Variants in NBPF10 observed in about 807,000 individuals in gnomAD.
The protein encoded by NBPF10 is NBPF member 10.
A neutral mutation model predicts 77.9 loss-of-function variants in NBPF10; 63 were observed. The ratio of observed to expected loss-of-function variants is 0.81; its 90% CI spans 0.66 to 1.00. NBPF10 has a LOEUF of 1.00. Among genes scored for constraint, NBPF10 ranks in the 50% least tolerant of loss-of-function variants. The pLI, the probability that NBPF10 is intolerant of heterozygous loss-of-function variation, is 0.00. For missense variants in NBPF10, 522 were observed against 679.8 expected, an observed-to-expected ratio of 0.77 and a Z score of 2.58; for synonymous variants, 146 against 264.5, an observed-to-expected ratio of 0.55 and a Z score of 4.35.
In NBPF10 at chr1:146,136,369, G is replaced by A; in HGVS notation, c.1075C>T (p.Gln359Ter). 3 of 1,596,768 alleles carry A rather than the reference G, an allele frequency of 1.9e-6. No homozygotes were observed. The highest frequency in any genetic ancestry group is 1.7e-6 in the Non-Finnish European group (2 of 1,174,180). Residue 359 changes from glutamine to a stop codon, truncating the protein, a stop_gained, in exon 7 of 90, where the codon CAA (glutamine) becomes TAA (stop). Coordinates refer to ENST00000583866, the Ensembl canonical transcript of NBPF10. LOFTEE classifies it high-confidence loss of function. ...TCCCCTCACCTGAGCTCCTCAGCTT[G>A]CTTGAGCTGCTCTGCAAGCTTCTCC... is the stretch of plus-strand genomic sequence containing the variant.
At chr1:146,136,769 C>A (rs6413793) in intron 6 of NBPF10, among the ~76,000 whole-genome samples, 92 of 137,708 alleles carry the variant, frequency 6.7e-4, no homozygotes, top group African/African-American at 2.0e-3. Flanking sequence ...CTTTCCCAAG[C>A]CTTGCAGCCT....
At chr1:146,121,133 T>A (rs1350168176) in intron 20 of NBPF10, among the ~76,000 whole-genome samples, 3 of 77,352 alleles carry the variant, frequency 3.9e-5, no homozygotes, top group African/African-American at 1.9e-4. Flanking sequence ...AATACTCAGA[T>A]TGTTCATGGT....
chr1:146,136,134 C>T (rs1553794827), intron 7 of NBPF10, among the ~76,000 whole-genome samples: 2 of 151,260 alleles, frequency 1.3e-5, no homozygotes, highest in South Asian at 4.2e-4. Flanking sequence ...TCAACAATTA[C>T]TTGTTTGAAA....
intron 14 of NBPF10, among the ~76,000 whole-genome samples, chr1:146,125,744 T>C (rs1226877221): frequency 7.2e-6 from 1 of 139,400 alleles, no homozygotes; most frequent in East Asian, 2.1e-4. Context: ...GTTATCCAAA[T>C]ATCATTTGTC....
At chr1:146,136,729 C>T (rs1390783289) in intron 6 of NBPF10, among the ~76,000 whole-genome samples, 1 of 144,390 alleles carries the variant, frequency 6.9e-6, no homozygotes, top group African/African-American at 2.8e-5. Context: ...AATTCACAGT[C>T]CCTGAGGTCT....
exon 2 of NBPF10, chr1:146,142,714 T>A: frequency 7.3e-7 from 1 of 1,362,300 alleles, no homozygotes. Context: ...CGCTCATTCC[T>A]CAGCATAAAT....
At chr1:146,136,548 A>T in intron 6 of NBPF10, 93 bp from the exon 7 acceptor site, 3 of 755,892 alleles carry the variant, frequency 4.0e-6, no homozygotes, top group Non-Finnish European at 6.8e-6. Flanking sequence ...CATCCCAAGG[A>T]CAAAACTCTC....
At chr1:146,142,197 A>C (rs1486436214) in intron 2 of NBPF10, among the ~76,000 whole-genome samples, 1 of 114,542 alleles carries the variant, frequency 8.7e-6, no homozygotes, top group Non-Finnish European at 2.0e-5. Context: ...TACAGAAATG[A>C]GGCCAGGTGC....
chr1:146,125,814 A>G (rs1311633490), intron 14 of NBPF10, among the ~76,000 whole-genome samples: 1 of 149,026 alleles, frequency 6.7e-6, no homozygotes, highest in African/African-American at 2.5e-5. Flanking sequence ...AAATGCCCCC[A>G]AATGGTTGCT....
At chr1:146,125,495 A>G in exon 15 of NBPF10, 1 of 498,706 alleles carries the variant, frequency 2.0e-6, no homozygotes, top group Non-Finnish European at 3.5e-6. Context: ...GTCTTCTTCC[A>G]CTTCTTGGTA....
At chr1:146,129,348 G>C (rs1226297947) in intron 11 of NBPF10, among the ~76,000 whole-genome samples, 21 of 144,886 alleles carry the variant, frequency 1.4e-4, no homozygotes, top group African/African-American at 5.0e-4. Context: ...CGTGATGCAT[G>C]CACAAGCTTC....
intron 29 of NBPF10, among the ~76,000 whole-genome samples, 199 bp from the exon 30 acceptor site, chr1:146,114,023 C>A (rs1284241824): frequency 8.3e-4 from 13 of 15,616 alleles, no homozygotes; most frequent in Non-Finnish European, 1.4e-3. Flanking sequence ...GACAGATAGA[C>A]ACACACACAC....
intron 7 of NBPF10, 142 bp downstream of exon 7, chr1:146,136,211 A>T: frequency 1.3e-6 from 1 of 796,456 alleles, no homozygotes; most frequent in South Asian, 1.5e-5. Flanking sequence ...TTCTCTGATA[A>T]ATATTTGTGT....
chr1:146,138,951 T>G (rs1347674625), intron 5 of NBPF10, among the ~76,000 whole-genome samples: 16 of 139,398 alleles, frequency 1.1e-4, no homozygotes, highest in African/African-American at 3.0e-4. Context: ...TGCCAGCTAA[T>G]TTTTGTATTT....
At chr1:146,139,142 C>A (rs1660018580) in intron 5 of NBPF10, among the ~76,000 whole-genome samples, 1 of 139,112 alleles carries the variant, frequency 7.2e-6, no homozygotes, top group Non-Finnish European at 1.6e-5. Flanking sequence ...CTCTGTCTCC[C>A]AGGCTGGAGT....
At position 146,121,934 on chromosome 1, in the gene NBPF10, G is replaced by C. The variant is rs1157407676; in HGVS notation, c.2586-264C>G. Among the ~76,000 whole-genome samples, 3 of 141,906 alleles carry C rather than the reference G, an allele frequency of 2.1e-5. No individual in the cohort carries two copies. In the South Asian group the frequency reaches 6.9e-4, roughly 33 times the overall value. The allele number at this position is 141,906 out of a possible 152,430, so 93.1% of individuals were successfully genotyped here. Reference sequence around the variant, plus strand: ...AGTGAATTGGCCAGGTGACATACTGGTAAGGGAGTCAAAGGACACTCTGAG... The same window carrying C: ...AGTGAATTGGCCAGGTGACATACTGCTAAGGGAGTCAAAGGACACTCTGAG... On this transcript the variant is annotated intron_variant, in intron 19 of 89. Coordinates refer to ENST00000583866, the Ensembl canonical transcript of NBPF10.
chr1:146,138,939 C>A (rs1659986561), intron 5 of NBPF10, among the ~76,000 whole-genome samples: 2 of 140,914 alleles, frequency 1.4e-5, no homozygotes, highest in South Asian at 2.5e-4. Flanking sequence ...CGCCAAGTAA[C>A]ATGCCAGCTA....
intron 88 of NBPF10, among the ~76,000 whole-genome samples, 198 bp from the exon 89 acceptor site, chr1:146,067,486 A>G (rs1455045973): frequency 1.4e-5 from 2 of 141,950 alleles, no homozygotes; most frequent in Non-Finnish European, 3.1e-5. Flanking sequence ...TGTGGGTAAA[A>G]TGTCCCTATT....
At position 146,138,425 on chromosome 1, in the gene NBPF10, CA is replaced by C; in HGVS notation, c.798del (p.Ala267ProfsTer20). On this transcript the variant is annotated frameshift_variant, in exon 6 of 90. Coordinates refer to ENST00000583866, the Ensembl canonical transcript of NBPF10. LOFTEE classifies it high-confidence loss of function. ...GATACCACCATGCTGACGTTTGTGG[CA>C]GAAGAGGTGGGGCCAGGGACTGGGG... 1.3e-5 allele frequency: 1 copy of C among 79,676 alleles called. No homozygotes were observed. The highest frequency in any genetic ancestry group is 2.1e-5 in the Non-Finnish European group (1 of 47,170). 4.9% of individuals were successfully genotyped at this position (79,676 alleles called of 1,614,324 possible). A position where few individuals can be genotyped will look rare whatever the true frequency, so the allele number is the denominator to read the frequency against.
Sources: gnomAD v4.1 joint callset for allele counts (sites outside exome capture counted in the v4.1 genomes callset) on GRCh38, gnomAD v4.1.1 for gene constraint, MANE v1.5 for transcripts, NCBI Gene and HGNC (gene_info 2026-07-23, HGNC 2026-07-21) for gene names.